The following HPSE2 variants were observed in gnomAD, a reference collection of about 807,000 sequenced individuals.
HPSE2 encodes the protein inactive heparanase-2.
In HPSE2, 38 loss-of-function variants were observed where a neutral mutation model predicts 60.5. That is an observed-to-expected ratio of 0.63 (90% CI 0.48 to 0.82). The LOEUF is 0.82. Ranked by LOEUF, HPSE2 falls within the 40% of genes least tolerant of loss-of-function variation. HPSE2 has a pLI of 0.00. For missense variants in HPSE2, 713 were observed against 740.4 expected (o/e 0.96, Z 0.43); for synonymous variants, 295 against 293.2 (o/e 1.01, Z -0.06).
At chr10:98,832,941 G>T (rs977617356) in intron 3 of HPSE2, among the ~76,000 whole-genome samples, 1 of 152,152 alleles carries the variant, frequency 6.6e-6, no homozygotes, top group Non-Finnish European at 1.5e-5. Context: ...CTGACAGAAC[G>T]GCTGTTTTAT....
intron 2 of HPSE2, among the ~76,000 whole-genome samples, chr10:99,212,138 A>T (rs1848972615): frequency 6.6e-6 from 1 of 152,206 alleles, no homozygotes; most frequent in African/African-American, 2.4e-5. Context: ...ATCATCTCAC[A>T]TCTGTTAGAA....
intron 9 of HPSE2, among the ~76,000 whole-genome samples, chr10:98,501,026 C>A (rs539981737): frequency 6.6e-6 from 1 of 151,722 alleles, no homozygotes; most frequent in Non-Finnish European, 1.5e-5. Flanking sequence ...AGACCAATAA[C>A]AAGCATTGAG....
At chr10:98,562,808 C>T (rs1944230514) in intron 9 of HPSE2, among the ~76,000 whole-genome samples, 1 of 149,732 alleles carries the variant, frequency 6.7e-6, no homozygotes, top group South Asian at 2.1e-4. Context: ...ATTCTATGTA[C>T]AAATTTCTCT....
the HPSE2 span, among the ~76,000 whole-genome samples, chr10:99,297,815 T>A: frequency 1.3e-5 from 2 of 152,074 alleles, no homozygotes; most frequent in Non-Finnish European, 2.9e-5. Context: ...CACTCTGAAT[T>A]TTCAGCATTG....
Position 98,688,315 on chromosome 10 carries a change from A to C in HPSE2, c.1004+5585T>G, listed in dbSNP as rs139665397. On this transcript the variant is annotated intron_variant, in intron 6 of 11. Transcript: ENST00000370552. ...ATAATACAATTTATATTTTTGCATG[A>C]ATCATTATTTTGTAAATAAATTGGG... Among the ~76,000 whole-genome samples, 778 of 152,126 alleles carry C rather than the reference A, an allele frequency of 5.1e-3. 7 individuals carry two copies. Among genetic ancestry groups the C allele is most frequent in the African/African-American group, 0.017 (716 of 41,514 alleles).
chr10:99,200,199 A>G (rs1050979333), intron 2 of HPSE2, among the ~76,000 whole-genome samples: 9 of 152,058 alleles, frequency 5.9e-5, no homozygotes, highest in African/African-American at 2.2e-4. Context: ...TTTTACCACA[A>G]TTAAAAAAAT....
At chr10:98,768,842 G>A (rs1041754755) in intron 3 of HPSE2, among the ~76,000 whole-genome samples, 2 of 152,118 alleles carry the variant, frequency 1.3e-5, no homozygotes, top group Non-Finnish European at 2.9e-5. Context: ...CTTGAGGTCA[G>A]GAGTTCAAGA....
intron 9 of HPSE2, among the ~76,000 whole-genome samples, chr10:98,527,970 G>A (rs567282579): frequency 2.0e-5 from 3 of 152,326 alleles, no homozygotes; most frequent in Non-Finnish European, 2.9e-5. Context: ...CCAAGTTGCT[G>A]ATCTGAGGCC....
chr10:98,790,800 AAAG>A (rs1466726827), intron 3 of HPSE2, among the ~76,000 whole-genome samples: 1 of 152,130 alleles, frequency 6.6e-6, no homozygotes, highest in Non-Finnish European at 1.5e-5. Flanking sequence ...ATTAAAATAA[AAAG>A]AAAAATAATG....
intron 3 of HPSE2, among the ~76,000 whole-genome samples, chr10:98,958,662 G>C (rs1955570633): frequency 6.6e-6 from 1 of 152,024 alleles, no homozygotes; most frequent in Non-Finnish European, 1.5e-5. Context: ...CTGAGAAACA[G>C]TAAGTGACTG....
chr10:98,679,950 C>T (rs929695460), intron 6 of HPSE2, among the ~76,000 whole-genome samples: 4 of 152,162 alleles, frequency 2.6e-5, no homozygotes, highest in African/African-American at 9.7e-5. Context: ...GCTGGAATTA[C>T]AGGCATGAGC....
At chr10:98,798,623 G>A (rs1290932920) in intron 3 of HPSE2, among the ~76,000 whole-genome samples, 1 of 151,940 alleles carries the variant, frequency 6.6e-6, no homozygotes, top group East Asian at 1.9e-4. Context: ...TTTTCTTTTT[G>A]TCTGTTTGTT....
At chr10:98,740,606 G>A (rs1051894541) in intron 4 of HPSE2, among the ~76,000 whole-genome samples, 3 of 152,146 alleles carry the variant, frequency 2.0e-5, no homozygotes, top group Non-Finnish European at 4.4e-5. Flanking sequence ...AAAAGAGGTA[G>A]GTTAGTCACT....
chr10:99,211,221 C>T (rs1031064730), intron 2 of HPSE2, among the ~76,000 whole-genome samples: 2 of 151,810 alleles, frequency 1.3e-5, no homozygotes, highest in Non-Finnish European at 1.5e-5. Context: ...GTAAAAGACT[C>T]GTACACATAA....
chr10:98,967,321 A>G (rs753158406), intron 3 of HPSE2, among the ~76,000 whole-genome samples: 1 of 152,238 alleles, frequency 6.6e-6, no homozygotes, highest in East Asian at 1.9e-4. Context: ...TAACACAGAG[A>G]AAACAAAGTC....
At position 98,982,833 on chromosome 10, in the gene HPSE2, T is replaced by G. The variant is rs549973196; in HGVS notation, c.610+161405A>C. 5.3e-5 allele frequency among the ~76,000 whole-genome samples: 8 copies of G among 152,314 alleles called. No homozygotes were observed. The East Asian group carries it at 1.5e-3, about 29-fold the overall frequency. On this transcript the variant is annotated intron_variant, in intron 3 of 11. Transcript: ENST00000370552. ...AATAATGTCAAATTCTGATAGTTAA[T>G]TATTGAGGTGAAAAAGTCAAGTCTC...
rs1843657214 is a variant in HPSE2, at chr10:99,094,638, C to A, written c.610+49600G>T. ...GTGGTGCCATCTTGGCTCTCTGCAACCTCTACCTCCCAAGCTCAAGCGATT... is the reference window on the plus strand; with the variant it reads ...GTGGTGCCATCTTGGCTCTCTGCAAACTCTACCTCCCAAGCTCAAGCGATT... On this transcript the variant is annotated intron_variant, in intron 3 of 11. Coordinates refer to ENST00000370552, the MANE Select transcript of HPSE2 (RefSeq NM_021828.5). Among the ~76,000 whole-genome samples the A allele has an allele frequency of 2.8e-5, 4 of 140,700 alleles. No homozygotes were observed. In the South Asian group the frequency reaches 9.2e-4, roughly 32 times the overall value. The allele number at this position is 140,700 out of a possible 152,430, so 92.3% of individuals were successfully genotyped here. A position where few individuals can be genotyped will look rare whatever the true frequency, so the allele number is the denominator to read the frequency against.
intron 3 of HPSE2, among the ~76,000 whole-genome samples, chr10:99,042,996 C>G (rs1326663979): frequency 6.6e-6 from 1 of 152,166 alleles, no homozygotes; most frequent in East Asian, 1.9e-4. Flanking sequence ...CAGCCACAAA[C>G]AGACCCCACA....
the HPSE2 span, among the ~76,000 whole-genome samples, chr10:99,275,077 G>A: frequency 6.6e-6 from 1 of 152,312 alleles, no homozygotes; most frequent in Admixed American, 6.5e-5. Context: ...CAGGGCCAGA[G>A]AACAAGTTAC....
Sources: allele counts gnomAD v4.1 joint callset (sites outside exome capture counted in the v4.1 genomes callset), GRCh38; gene constraint gnomAD v4.1.1; transcripts MANE v1.5; gene names NCBI Gene and HGNC (gene_info 2026-07-23, HGNC 2026-07-21).